RBFOX1: variants seen among roughly 807,000 people sequenced by gnomAD.
RBFOX1 encodes the protein RNA binding protein fox-1 homolog 1.
RBFOX1 carries 8 observed loss-of-function variants against 57.7 expected under a neutral mutation model. The ratio of observed to expected loss-of-function variants is 0.14; its 90% CI spans 0.08 to 0.25. The LOEUF (loss-of-function observed/expected upper bound fraction) is 0.25. Among genes scored for constraint, RBFOX1 ranks in the 10% least tolerant of loss-of-function variants. The pLI is 1.00. For missense variants in RBFOX1, 611 were observed against 548.5 expected (o/e 1.11, Z -1.14); for synonymous variants, 326 against 222.4 (o/e 1.47, Z -4.15).
intron 2 of RBFOX1, among the ~76,000 whole-genome samples, chr16:6,517,529 T>C (rs2096404358): frequency 6.6e-6 from 1 of 152,132 alleles, no homozygotes; most frequent in Non-Finnish European, 1.5e-5. Flanking sequence ...CCACCTACAC[T>C]GCCGAAGTGG....
intron 4 of RBFOX1, among the ~76,000 whole-genome samples, chr16:7,287,779 A>G (rs2095679281): frequency 6.6e-6 from 1 of 152,196 alleles, no homozygotes; most frequent in South Asian, 2.1e-4. Context: ...AGAAGTGGAG[A>G]ACACAAATTA....
rs149950525 is a variant in RBFOX1, at chr16:7,185,982, T to C, written c.27+133884T>C. Reference sequence around the variant, plus strand: ...TATGTCTCAGCCATTAGTTCCTATGTTTATTGGCGCACTTTAGTATAGATC... The same window carrying C: ...TATGTCTCAGCCATTAGTTCCTATGCTTATTGGCGCACTTTAGTATAGATC... On this transcript the variant is annotated intron_variant, in intron 4 of 15. Transcript: ENST00000550418. Among the ~76,000 whole-genome samples, 35 of 152,294 alleles carry C rather than the reference T, an allele frequency of 2.3e-4. No homozygotes were observed. In the East Asian group the frequency reaches 6.2e-3, roughly 27 times the overall value.
At chr16:7,423,436 A>C (rs1357343897) in intron 4 of RBFOX1, among the ~76,000 whole-genome samples, 1 of 152,014 alleles carries the variant, frequency 6.6e-6, no homozygotes, top group Non-Finnish European at 1.5e-5. Context: ...GGGGTGCAAG[A>C]GTTACTTCTG....
intron 3 of RBFOX1, among the ~76,000 whole-genome samples, chr16:6,726,707 C>G (rs146170566): frequency 4.1e-4 from 63 of 152,224 alleles, no homozygotes; most frequent in African/African-American, 1.3e-3. Flanking sequence ...CTTGCCTGTG[C>G]GTTTTCTCTT....
intron 3 of RBFOX1, among the ~76,000 whole-genome samples, chr16:6,708,493 A>T (rs1365312913): frequency 6.6e-6 from 1 of 152,016 alleles, no homozygotes; most frequent in East Asian, 1.9e-4. Flanking sequence ...CCTTTAAGAT[A>T]TTTTCATCAC....
At chr16:7,043,212 T>C (rs8051714) in intron 3 of RBFOX1, among the ~76,000 whole-genome samples, 2 of 152,006 alleles carry the variant, frequency 1.3e-5, no homozygotes, top group South Asian at 4.1e-4. Flanking sequence ...CTGCTTCCCG[T>C]CCTTCAGCAG....
chr16:6,173,755 G>C (rs564206734), intron 1 of RBFOX1, among the ~76,000 whole-genome samples: 2 of 151,954 alleles, frequency 1.3e-5, no homozygotes, highest in Non-Finnish European at 2.9e-5. Context: ...GGCTATAGGC[G>C]TATGGCACCA....
At chr16:6,297,674 C>G (rs1397289614) in intron 1 of RBFOX1, among the ~76,000 whole-genome samples, 1 of 152,066 alleles carries the variant, frequency 6.6e-6, no homozygotes, top group Non-Finnish European at 1.5e-5. Flanking sequence ...CACCACACCC[C>G]CCTATCCTAT....
At chr16:6,917,625 C>T (rs2073504171) in intron 3 of RBFOX1, among the ~76,000 whole-genome samples, 1 of 152,152 alleles carries the variant, frequency 6.6e-6, no homozygotes, top group Non-Finnish European at 1.5e-5. Flanking sequence ...CCTTCTACAC[C>T]GAAGTGGGAG....
At chr16:6,808,340 C>G (rs2087479951) in intron 3 of RBFOX1, among the ~76,000 whole-genome samples, 1 of 152,112 alleles carries the variant, frequency 6.6e-6, no homozygotes, top group African/African-American at 2.4e-5. Context: ...CTGATTATGC[C>G]TACTTCACTG....
intron 3 of RBFOX1, among the ~76,000 whole-genome samples, chr16:6,910,782 C>T (rs143875691): frequency 4.6e-5 from 7 of 152,296 alleles, no homozygotes; most frequent in East Asian, 1.9e-4. Flanking sequence ...TCAGATCCTA[C>T]GTCTGAGAAT....
chr16:6,094,357 A>T (rs1324637431), intron 1 of RBFOX1, among the ~76,000 whole-genome samples: 2 of 152,218 alleles, frequency 1.3e-5, no homozygotes, highest in Non-Finnish European at 2.9e-5. Flanking sequence ...CCCAGGTGGC[A>T]CTTCTCAGCA....
chr16:7,607,571 C>A (rs1383480301), intron 10 of RBFOX1, among the ~76,000 whole-genome samples: 1 of 152,144 alleles, frequency 6.6e-6, no homozygotes, highest in Non-Finnish European at 1.5e-5. Context: ...CTCCTTAGGA[C>A]AATTCACATT....
rs34745623 is a variant in RBFOX1, at chr16:7,193,954, C to CTTT, written c.27+141866_27+141868dup. Among the ~76,000 whole-genome samples the CTTT allele has an allele frequency of 2.1e-5, 3 of 146,240 alleles. No individual in the cohort carries two copies. In the East Asian group the frequency reaches 6.0e-4, roughly 29 times the overall value. On this transcript the variant is annotated intron_variant, in intron 4 of 15. Transcript: ENST00000550418. ...TATAGTAGCATCTATCTCTAGCTAT[C>CTTT]TTTTTTTTTTTTAAGGATTGGCTAA...
intron 3 of RBFOX1, among the ~76,000 whole-genome samples, chr16:6,922,112 C>G (rs949960072): frequency 6.6e-6 from 1 of 152,150 alleles, no homozygotes; most frequent in South Asian, 2.1e-4. Context: ...TTTCTTCACA[C>G]AGGCTGTTCC....
chr16:5,835,309 A>T (rs1046865659), intron 3 of RBFOX1, among the ~76,000 whole-genome samples: 4 of 152,188 alleles, frequency 2.6e-5, no homozygotes, highest in African/African-American at 7.2e-5. Context: ...TGGGAGGAGG[A>T]AAGGGCAGGG....
chr16:7,698,403 A>G (rs1007951552), intron 14 of RBFOX1, among the ~76,000 whole-genome samples: 8 of 151,902 alleles, frequency 5.3e-5, no homozygotes, highest in African/African-American at 1.9e-4. Flanking sequence ...CAAATGAACA[A>G]TCTGCAAAAG....
At position 6,653,081 on chromosome 16, in the gene RBFOX1, G is replaced by A. The variant is rs553729402; in HGVS notation, c.-63-1522G>A. ...CTTTCCAGTGCATTTCCCCCTTGGG[G>A]CTTTGAACTTGCTCTTCGTTTGCCT... On this transcript the variant is annotated intron_variant, in intron 2 of 15. Transcript: ENST00000550418. 3.3e-5 allele frequency among the ~76,000 whole-genome samples: 5 copies of A among 152,086 alleles called. No individual in the cohort carries two copies. The South Asian group carries it at 1.0e-3, about 32-fold the overall frequency.
rs1318131858 is a variant in RBFOX1, at chr16:5,422,537, GA to G, written c.220-44678del. Reference sequence around the variant, plus strand: ...GGTGAGGAAAGGAGGAAGGGCGCATGAGGGGGGCAGGGAGGGGGAAGAAAGG... The same window carrying G: ...GGTGAGGAAAGGAGGAAGGGCGCATGGGGGGGCAGGGAGGGGGAAGAAAGG... On this transcript the variant is annotated intron_variant, in intron 1 of 2. Transcript: ENST00000585867. Among the ~76,000 whole-genome samples the G allele has an allele frequency of 3.6e-3, 275 of 76,976 alleles. 5 individuals are homozygous for G. Among genetic ancestry groups the G allele is most frequent in the African/African-American group, 0.014 (251 of 17,822 alleles). The allele number at this position is 76,976 out of a possible 152,430, so 50.5% of individuals were successfully genotyped here. A position where few individuals can be genotyped will look rare whatever the true frequency, so the allele number is the denominator to read the frequency against.
Sources: allele counts gnomAD v4.1 joint callset (sites outside exome capture counted in the v4.1 genomes callset), GRCh38; gene constraint gnomAD v4.1.1; transcripts MANE v1.5; gene names NCBI Gene and HGNC (gene_info 2026-07-23, HGNC 2026-07-21).